Variants in FGFR2 observed in about 807,000 individuals in gnomAD.
FGFR2 encodes the protein BEK fibroblast growth factor receptor.
In FGFR2, 19 loss-of-function variants were observed where a neutral mutation model predicts 95.9. The observed-to-expected ratio is 0.20, with a 90% confidence interval of 0.14 to 0.29. The LOEUF is 0.29. Ranked by LOEUF, FGFR2 falls within the 10% of genes least tolerant of loss-of-function variation. The pLI, the probability that FGFR2 is intolerant of heterozygous loss-of-function variation, is 1.00. For missense variants in FGFR2, 707 were observed against 1,056.9 expected (o/e 0.67, Z 4.59); for synonymous variants, 392 against 393.3 (o/e 1.00, Z 0.04).
intron 13 of FGFR2, among the ~76,000 whole-genome samples, chr10:121,494,816 T>A (rs1846565898): frequency 6.6e-6 from 1 of 152,188 alleles, no homozygotes; most frequent in African/African-American, 2.4e-5. Context: ...TTCAGCGTAT[T>A]TCTCCTACAA....
At chr10:121,597,682 C>A (rs926620057) in intron 1 of FGFR2, among the ~76,000 whole-genome samples, 7 of 152,378 alleles carry the variant, frequency 4.6e-5, no homozygotes, top group African/African-American at 1.7e-4. Flanking sequence ...GGGAATGCGC[C>A]CGCCAGGGTT....
chr10:121,573,845 C>T (rs45631546), intron 2 of FGFR2, among the ~76,000 whole-genome samples: 1 of 152,090 alleles, frequency 6.6e-6, no homozygotes, highest in Non-Finnish European at 1.5e-5. Flanking sequence ...CTTCGGTTCC[C>T]GGTGCCCTCC....
chr10:121,540,671 T>A (rs1216289761), intron 5 of FGFR2, among the ~76,000 whole-genome samples: 1 of 151,156 alleles, frequency 6.6e-6, no homozygotes. Context: ...GGGGAACCAG[T>A]CATGTGGCAG....
chr10:121,537,741 G>A (rs760580465), intron 6 of FGFR2, among the ~76,000 whole-genome samples: 9 of 152,116 alleles, frequency 5.9e-5, no homozygotes, highest in Non-Finnish European at 1.3e-4. Flanking sequence ...CAAGGTGGCA[G>A]GTTGAAAGTC....
At position 121,489,369 on chromosome 10, in the gene FGFR2, CAGCCCCTCT is replaced by C. The variant is rs1845843006; in HGVS notation, c.1864-1265_1864-1257del. ...GATTACAGGTGTAAGCCACCACACC[CAGCCCCTCT>C]GTTTAGTTTTATCCCGTCCCCTTCC... On this transcript the variant is annotated intron_variant, in intron 13 of 17. Transcript: ENST00000358487. Among the ~76,000 whole-genome samples, 4 of 152,156 alleles carry C rather than the reference CAGCCCCTCT, an allele frequency of 2.6e-5. No individual in the cohort carries two copies. The South Asian group carries it at 8.3e-4, about 32-fold the overall frequency.
At chr10:121,528,394 G>A (rs564885474) in intron 6 of FGFR2, among the ~76,000 whole-genome samples, 158 of 152,224 alleles carry the variant, frequency 1.0e-3, no homozygotes, top group African/African-American at 3.8e-3. Flanking sequence ...TGAAAGAAGA[G>A]CATATTGGCC....
In FGFR2 at chr10:121,586,272, A is replaced by T. The variant is rs143886860; in HGVS notation, c.109+7437T>A. On this transcript the variant is annotated intron_variant, in intron 2 of 17. Transcript: ENST00000358487. Reference sequence around the variant, plus strand: ...CCTCTCCAAGAAAGGCGCTACATAAATCATACAAATAAATACATCCCTTGT... The same window carrying T: ...CCTCTCCAAGAAAGGCGCTACATAATTCATACAAATAAATACATCCCTTGT... 2.6e-3 allele frequency among the ~76,000 whole-genome samples: 392 copies of T among 152,354 alleles called. 2 individuals are homozygous for T. The highest frequency in any genetic ancestry group is 9.1e-3 in the African/African-American group (379 of 41,582).
intron 5 of FGFR2, among the ~76,000 whole-genome samples, chr10:121,547,400 C>CT (rs764591388): frequency 0.088 from 12,291 of 139,346 alleles, 1,465 homozygotes; most frequent in African/African-American, 0.27. Flanking sequence ...CCTTTTTTTT[C>CT]TTTTTTTTTT....
At chr10:121,495,848 T>C (rs2133922817) in intron 13 of FGFR2, among the ~76,000 whole-genome samples, 1 of 152,328 alleles carries the variant, frequency 6.6e-6, no homozygotes, top group Non-Finnish European at 1.5e-5. Context: ...TGTGTGGGGC[T>C]GACAAGGGAG....
chr10:121,525,300 G>A (rs1564928468), intron 6 of FGFR2, among the ~76,000 whole-genome samples: 1 of 152,338 alleles, frequency 6.6e-6, no homozygotes, highest in East Asian at 1.9e-4. Context: ...AGACGGAATG[G>A]AAAGCAGTCC....
intron 15 of FGFR2, among the ~76,000 whole-genome samples, chr10:121,486,469 G>A (rs1845417505): frequency 6.6e-6 from 1 of 152,108 alleles, no homozygotes; most frequent in Non-Finnish European, 1.5e-5. Flanking sequence ...CCCAGACAGA[G>A]TCTCGCTCTG....
intron 5 of FGFR2, among the ~76,000 whole-genome samples, chr10:121,548,999 C>A (rs1387789863): frequency 6.6e-6 from 1 of 152,108 alleles, no homozygotes; most frequent in Non-Finnish European, 1.5e-5. Flanking sequence ...CCTGCTTCCA[C>A]CACCAAGTAG....
intron 4 of FGFR2, among the ~76,000 whole-genome samples, chr10:121,551,804 G>C (rs3135742): frequency 6.6e-6 from 1 of 152,002 alleles, no homozygotes; most frequent in South Asian, 2.1e-4. Flanking sequence ...AACTGCGACA[G>C]CTCAGTCCTC....
intron 4 of FGFR2, among the ~76,000 whole-genome samples, chr10:121,556,243 G>T (rs1208838072): frequency 1.3e-5 from 2 of 152,152 alleles, no homozygotes; most frequent in Non-Finnish European, 2.9e-5. Flanking sequence ...GTATCTATGT[G>T]CTAGACAGGT....
At chr10:121,513,395 C>A (rs1297092481) in intron 9 of FGFR2, among the ~76,000 whole-genome samples, 1 of 152,126 alleles carries the variant, frequency 6.6e-6, no homozygotes, top group African/African-American at 2.4e-5. Context: ...AAAGAAAACA[C>A]GATGACTGTG....
chr10:121,488,096 T>C lies in FGFR2; in HGVS notation c.1881A>G (p.Leu627=). 6.2e-7 allele frequency: 1 copy of C among 1,614,166 alleles called. No homozygotes were observed. The highest frequency in any genetic ancestry group is 8.5e-7 in the Non-Finnish European group (1 of 1,180,034). Residue 627 remains leucine, a synonymous_variant, in exon 14 of 18, where the codon TTA becomes TTG. Coordinates refer to ENST00000358487, the MANE Select transcript of FGFR2 (RefSeq NM_000141.5). ...CTGTTACCAAAACATTTCTGGCTGC[T>C]AAATCTCGATGAATACACTGAAATC... ...LASQKCIHRD[L]AARNVLVTEN...
At chr10:121,582,277 C>T (rs527346776) in intron 2 of FGFR2, among the ~76,000 whole-genome samples, 5 of 152,314 alleles carry the variant, frequency 3.3e-5, no homozygotes, top group African/African-American at 1.2e-4. Context: ...GTCTCCCCCA[C>T]TCAACTGTTC....
chr10:121,514,255 G>A (rs542417875), intron 9 of FGFR2, among the ~76,000 whole-genome samples: 3 of 152,262 alleles, frequency 2.0e-5, no homozygotes, highest in African/African-American at 7.2e-5. Flanking sequence ...TTTTGTAAAC[G>A]TTCTGCATCT....
At chr10:121,532,599 C>T (rs1012645733) in intron 6 of FGFR2, among the ~76,000 whole-genome samples, 6 of 152,174 alleles carry the variant, frequency 3.9e-5, no homozygotes, top group African/African-American at 1.4e-4. Flanking sequence ...TGAGGGACTC[C>T]GCCGTGCCTC....
Sources: allele counts gnomAD v4.1 joint callset (sites outside exome capture counted in the v4.1 genomes callset), GRCh38; gene constraint gnomAD v4.1.1; transcripts MANE v1.5; gene names NCBI Gene and HGNC (gene_info 2026-07-23, HGNC 2026-07-21).